The following HS3ST4 variants were observed in gnomAD, a reference collection of about 807,000 sequenced individuals.
The protein encoded by HS3ST4 is heparan sulfate-glucosamine 3-sulfotransferase 4, also known as heparan sulfate glucosamine 3-O-sulfotransferase 4.
In HS3ST4, 17 loss-of-function variants were observed where a neutral mutation model predicts 29.2. The ratio of observed to expected loss-of-function variants is 0.58; its 90% CI spans 0.40 to 0.87. The LOEUF is 0.87. Among genes scored for constraint, HS3ST4 ranks in the 40% least tolerant of loss-of-function variants. The pLI, the probability that HS3ST4 is intolerant of heterozygous loss-of-function variation, is 0.00. For missense variants in HS3ST4, 627 were observed against 634.5 expected (o/e 0.99, Z 0.13); for synonymous variants, 314 against 285.7 (o/e 1.10, Z -1.00).
intron 1 of HS3ST4, among the ~76,000 whole-genome samples, chr16:25,813,795 G>T (rs1401101497): frequency 6.6e-6 from 1 of 152,124 alleles, no homozygotes; most frequent in African/African-American, 2.4e-5. Flanking sequence ...GTTCACAGCA[G>T]CTTTATTTGC....
intron 1 of HS3ST4, among the ~76,000 whole-genome samples, chr16:25,753,215 C>A (rs1185786877): frequency 3.9e-5 from 6 of 152,184 alleles, no homozygotes; most frequent in Non-Finnish European, 8.8e-5. Context: ...TGGTGGTAAA[C>A]CTTGTAGTTT....
At chr16:25,934,656 G>A (rs555071247) in intron 1 of HS3ST4, among the ~76,000 whole-genome samples, 60 of 152,296 alleles carry the variant, frequency 3.9e-4, no homozygotes, top group Non-Finnish European at 7.6e-4. Context: ...AGACAGCAGA[G>A]TTTGTGAATG....
chr16:25,854,926 C>A (rs1444823265), intron 1 of HS3ST4, among the ~76,000 whole-genome samples: 1 of 152,150 alleles, frequency 6.6e-6, no homozygotes, highest in Admixed American at 6.5e-5. Context: ...GGGGAACAAT[C>A]TCAGGAGGTC....
chr16:25,991,746 G>A lies in HS3ST4; in HGVS notation c.735-143866G>A, dbSNP rs1010307145. Among the ~76,000 whole-genome samples, 91 of 152,274 alleles carry A rather than the reference G, an allele frequency of 6.0e-4. 1 individual carries two copies. Among genetic ancestry groups the A allele is most frequent in the African/African-American group, 2.2e-3 (91 of 41,570 alleles). On this transcript the variant is annotated intron_variant, in intron 1 of 1. Transcript: ENST00000331351. ...GAAAATGGCAAGGTTTGGGGGCCGG[G>A]TGCGGTGGCTCACGCCTGTAATCCC... is the stretch of plus-strand genomic sequence containing the variant.
intron 1 of HS3ST4, among the ~76,000 whole-genome samples, chr16:25,944,246 C>T (rs750685190): frequency 8.5e-5 from 13 of 152,160 alleles, no homozygotes; most frequent in South Asian, 2.1e-4. Context: ...TATTAAGTGA[C>T]GGAAAAGCCC....
chr16:25,906,379 A>G (rs1968180768), intron 1 of HS3ST4, among the ~76,000 whole-genome samples: 1 of 152,220 alleles, frequency 6.6e-6, no homozygotes, highest in East Asian at 1.9e-4. Context: ...CAAAATGAAT[A>G]AGAAATTCTA....
At chr16:26,096,279 G>A (rs1055386593) in intron 1 of HS3ST4, among the ~76,000 whole-genome samples, 22 of 152,238 alleles carry the variant, frequency 1.4e-4, no homozygotes, top group African/African-American at 4.1e-4. Flanking sequence ...AATCCTGGCA[G>A]AGACACAACA....
chr16:25,703,293 G>A (rs916734418), intron 1 of HS3ST4, among the ~76,000 whole-genome samples: 15 of 152,168 alleles, frequency 9.9e-5, no homozygotes, highest in Admixed American at 6.5e-5. Context: ...GGGAGATGGA[G>A]GTTCGAATCT....
intron 1 of HS3ST4, among the ~76,000 whole-genome samples, chr16:25,731,389 G>A (rs1966569055): frequency 6.6e-6 from 1 of 152,176 alleles, no homozygotes; most frequent in East Asian, 1.9e-4. Flanking sequence ...TGCCCAGGCT[G>A]GAGTGCAGTG....
intron 1 of HS3ST4, among the ~76,000 whole-genome samples, chr16:26,020,280 A>G (rs1204739616): frequency 1.3e-5 from 2 of 152,196 alleles, no homozygotes; most frequent in African/African-American, 4.8e-5. Flanking sequence ...TAAATGTGCA[A>G]AAAGGAGAGT....
At position 26,135,652 on chromosome 16, in the gene HS3ST4, G is replaced by A; in HGVS notation, c.775G>A (p.Glu259Lys). ...PKTLDGQITM[E>K]KTPSYFVTNE... ...GACTTTGGATGGGCAAATAACCATGGAGAAGACTCCAAGTTACTTTGTGAC... is the reference window on the plus strand; with the variant it reads ...GACTTTGGATGGGCAAATAACCATGAAGAAGACTCCAAGTTACTTTGTGAC... Residue 259 changes from glutamate (E) to lysine (K), a missense_variant, in exon 2 of 2, where the codon GAG becomes AAG. Around this residue, in one of 2 missense-constraint regions of HS3ST4, gnomAD observed 225 missense variants for 293.7 expected, o/e 0.77. Transcript: ENST00000331351. 6.2e-7 allele frequency: 1 copy of A among 1,612,354 alleles called. No homozygotes were observed. The highest frequency in any genetic ancestry group is 8.5e-7 in the Non-Finnish European group (1 of 1,179,260).
At chr16:25,845,245 A>G (rs1967453217) in intron 1 of HS3ST4, among the ~76,000 whole-genome samples, 2 of 152,194 alleles carry the variant, frequency 1.3e-5, no homozygotes, top group Non-Finnish European at 2.9e-5. Context: ...ACGGGGATTC[A>G]TGCCTGTAAT....
At chr16:25,839,413 C>T (rs1967391571) in intron 1 of HS3ST4, among the ~76,000 whole-genome samples, 2 of 152,186 alleles carry the variant, frequency 1.3e-5, no homozygotes, top group African/African-American at 2.4e-5. Flanking sequence ...TTCCCTTCCT[C>T]CATTTTTGTT....
At chr16:25,848,751 G>C (rs925769657) in intron 1 of HS3ST4, among the ~76,000 whole-genome samples, 31 of 151,238 alleles carry the variant, frequency 2.0e-4, no homozygotes, top group Admixed American at 1.8e-3. Flanking sequence ...TTTGTTTTCT[G>C]TTTCATTTAT....
rs1370076416 is a variant in HS3ST4 at position 26,107,617 on chromosome 16, C to G, written c.735-27995C>G. Among the ~76,000 whole-genome samples the G allele has an allele frequency of 2.6e-5, 4 of 152,302 alleles. No individual in the cohort carries two copies. In the East Asian group the frequency reaches 7.7e-4, roughly 29 times the overall value. On this transcript the variant is annotated intron_variant, in intron 1 of 1. Coordinates refer to ENST00000331351, the MANE Select transcript of HS3ST4 (RefSeq NM_006040.3). Reference sequence around the variant, plus strand: ...GTCTTTGCATACCCATAGCGTAGCTCCCACTTACAAATGAGAACATATGAT... The same window carrying G: ...GTCTTTGCATACCCATAGCGTAGCTGCCACTTACAAATGAGAACATATGAT...
chr16:26,004,703 G>A (rs1372840027), intron 1 of HS3ST4, among the ~76,000 whole-genome samples: 1 of 152,138 alleles, frequency 6.6e-6, no homozygotes, highest in Non-Finnish European at 1.5e-5. Flanking sequence ...TTTCCAACTG[G>A]GGAAACTTAA....
intron 1 of HS3ST4, among the ~76,000 whole-genome samples, chr16:26,047,625 G>C (rs1898286264): frequency 6.6e-6 from 1 of 152,174 alleles, no homozygotes; most frequent in African/African-American, 2.4e-5. Flanking sequence ...AAATGAAAAA[G>C]GCAGAATGCA....
intron 1 of HS3ST4, among the ~76,000 whole-genome samples, chr16:25,956,574 A>G (rs1460372200): frequency 2.0e-5 from 3 of 152,226 alleles, no homozygotes; most frequent in Non-Finnish European, 4.4e-5. Context: ...ATACTCCTCC[A>G]AAAGATGTGT....
At chr16:26,007,577 T>G (rs1327563952) in intron 1 of HS3ST4, among the ~76,000 whole-genome samples, 1 of 152,198 alleles carries the variant, frequency 6.6e-6, no homozygotes, top group African/African-American at 2.4e-5. Flanking sequence ...CCTGTTTGTT[T>G]CACATCCACC....
Sources: gnomAD v4.1 joint callset for allele counts (sites outside exome capture counted in the v4.1 genomes callset) on GRCh38, gnomAD v4.1.1 for gene constraint, gnomAD v4.1.1 regional missense constraint, MANE v1.5 for transcripts, NCBI Gene and HGNC (gene_info 2026-07-23, HGNC 2026-07-21) for gene names.